Variants in ZNF385D observed in about 807,000 individuals in gnomAD.
ZNF385D encodes the protein zinc finger protein 385D.
ZNF385D carries 15 observed loss-of-function variants against 35.8 expected under a neutral mutation model. The observed-to-expected ratio is 0.42, with a 90% CI of 0.28 to 0.64. The LOEUF is 0.64. Among genes scored for constraint, ZNF385D ranks in the 30% least tolerant of loss-of-function variants. The pLI, the probability that ZNF385D is intolerant of heterozygous loss-of-function variation, is 0.23. For missense variants in ZNF385D, 474 were observed against 494.6 expected (o/e 0.96, Z 0.39); for synonymous variants, 212 against 186.8 (o/e 1.13, Z -1.10).
chr3:21,466,195 T>C (rs187869953), intron 4 of ZNF385D, among the ~76,000 whole-genome samples: 1 of 152,196 alleles, frequency 6.6e-6, no homozygotes, highest in Non-Finnish European at 1.5e-5. Context: ...AATATGTTCA[T>C]TTTCTCAACA....
At chr3:22,113,900 G>C (rs780622314) in intron 3 of ZNF385D, among the ~76,000 whole-genome samples, 33 of 152,008 alleles carry the variant, frequency 2.2e-4, no homozygotes, top group Non-Finnish European at 4.0e-4. Context: ...GCTAAATCTA[G>C]ATAGAAAGGT....
intron 2 of ZNF385D, among the ~76,000 whole-genome samples, chr3:22,369,343 C>A (rs1474716275): frequency 2.0e-5 from 3 of 152,048 alleles, no homozygotes; most frequent in Non-Finnish European, 2.9e-5. Context: ...TAAGGCTAAC[C>A]ATTTACAAGA....
At chr3:21,555,556 T>C (rs947311848) in intron 3 of ZNF385D, among the ~76,000 whole-genome samples, 1 of 152,158 alleles carries the variant, frequency 6.6e-6, no homozygotes, top group African/African-American at 2.4e-5. Flanking sequence ...TCCTTTTTTA[T>C]GGCTGCATAG....
At chr3:22,071,654 C>A (rs554809196) in intron 3 of ZNF385D, among the ~76,000 whole-genome samples, 41 of 152,042 alleles carry the variant, frequency 2.7e-4, no homozygotes, top group Non-Finnish European at 5.3e-4. Context: ...TAGAAAATAT[C>A]CCTGATTATT....
intron 3 of ZNF385D, among the ~76,000 whole-genome samples, chr3:22,143,019 A>AT (rs1202509297): frequency 6.0e-5 from 9 of 150,022 alleles, no homozygotes; most frequent in East Asian, 3.9e-4. Flanking sequence ...AATAATAATA[A>AT]AAAAAAAAGA....
At chr3:21,468,844 G>T (rs937061863) in intron 4 of ZNF385D, among the ~76,000 whole-genome samples, 3 of 151,974 alleles carry the variant, frequency 2.0e-5, no homozygotes, top group Non-Finnish European at 2.9e-5. Flanking sequence ...CAGGGTAATC[G>T]CTTGAACTTG....
chr3:22,206,305 G>C (rs749533976), intron 2 of ZNF385D, among the ~76,000 whole-genome samples: 1 of 151,936 alleles, frequency 6.6e-6, no homozygotes, highest in Non-Finnish European at 1.5e-5. Context: ...GCTAAAGAGA[G>C]AGATAGACCC....
intron 2 of ZNF385D, among the ~76,000 whole-genome samples, chr3:21,634,003 C>CTA (rs1314384227): frequency 6.6e-6 from 1 of 151,846 alleles, no homozygotes; most frequent in Non-Finnish European, 1.5e-5. Flanking sequence ...CAAGAACAGC[C>CTA]TAGGCAGCAT....
intron 3 of ZNF385D, among the ~76,000 whole-genome samples, chr3:22,008,645 C>T (rs987029527): frequency 6.6e-6 from 1 of 152,104 alleles, no homozygotes; most frequent in African/African-American, 2.4e-5. Flanking sequence ...CGTGAGCCAC[C>T]GCGCCCAGCC....
chr3:21,844,826 G>A (rs909792259), intron 3 of ZNF385D, among the ~76,000 whole-genome samples: 9 of 151,998 alleles, frequency 5.9e-5, no homozygotes, highest in South Asian at 2.1e-4. Flanking sequence ...ATTTTTCAGA[G>A]TTGCCTTGTT....
At chr3:22,241,466 G>A (rs887737717) in intron 2 of ZNF385D, among the ~76,000 whole-genome samples, 1 of 151,202 alleles carries the variant, frequency 6.6e-6, no homozygotes, top group Non-Finnish European at 1.5e-5. Context: ...TGCTGGCCTT[G>A]CTTCATCCAC....
At chr3:21,748,533 G>A (rs930232372) in intron 1 of ZNF385D, among the ~76,000 whole-genome samples, 2 of 152,082 alleles carry the variant, frequency 1.3e-5, no homozygotes, top group African/African-American at 2.4e-5. Flanking sequence ...TCTTCATCAC[G>A]CTCTGCTGGG....
At chr3:21,898,126 G>C (rs1369412317) in intron 3 of ZNF385D, among the ~76,000 whole-genome samples, 1 of 152,048 alleles carries the variant, frequency 6.6e-6, no homozygotes, top group Non-Finnish European at 1.5e-5. Flanking sequence ...CATCCCTCTA[G>C]CATTTAAGTA....
At chr3:22,061,775 C>A (rs1185219764) in intron 3 of ZNF385D, among the ~76,000 whole-genome samples, 2 of 152,218 alleles carry the variant, frequency 1.3e-5, no homozygotes, top group African/African-American at 4.8e-5. Flanking sequence ...TACACACACA[C>A]TCCACCTGCT....
At chr3:22,096,813 C>T (rs1227341586) in intron 3 of ZNF385D, among the ~76,000 whole-genome samples, 3 of 152,050 alleles carry the variant, frequency 2.0e-5, no homozygotes, top group Non-Finnish European at 2.9e-5. Flanking sequence ...AATATGGCCT[C>T]ACAATTCTCT....
chr3:21,813,759 C>T (rs1395395916), intron 3 of ZNF385D, among the ~76,000 whole-genome samples: 1 of 152,066 alleles, frequency 6.6e-6, no homozygotes, highest in Non-Finnish European at 1.5e-5. Flanking sequence ...GAGAATGGAA[C>T]CAAGTTGGAA....
At chr3:21,603,594 A>G (rs146495053) in intron 2 of ZNF385D, among the ~76,000 whole-genome samples, 3 of 152,348 alleles carry the variant, frequency 2.0e-5, no homozygotes, top group African/African-American at 7.2e-5. Context: ...ACAAGTGACA[A>G]CTGCAAAGTG....
intron 3 of ZNF385D, among the ~76,000 whole-genome samples, chr3:22,066,769 G>A (rs1699984893): frequency 6.6e-6 from 1 of 152,106 alleles, no homozygotes; most frequent in Non-Finnish European, 1.5e-5. Context: ...TTTCCTAGTT[G>A]GTTGTTCATG....
At chr3:21,947,086 T>A (rs1701826932) in intron 3 of ZNF385D, among the ~76,000 whole-genome samples, 1 of 152,150 alleles carries the variant, frequency 6.6e-6, no homozygotes, top group African/African-American at 2.4e-5. Flanking sequence ...CAAATGGAAT[T>A]TTGGGGTCAA....
Sources: gnomAD v4.1 joint callset for allele counts (sites outside exome capture counted in the v4.1 genomes callset) on GRCh38, gnomAD v4.1.1 for gene constraint, MANE v1.5 for transcripts, NCBI Gene and HGNC (gene_info 2026-07-23, HGNC 2026-07-21) for gene names.